The following ADGRE5 variants were observed in gnomAD, a reference collection of about 807,000 sequenced individuals.
ADGRE5 encodes the protein adhesion G protein-coupled receptor E5.
ADGRE5 carries 72 observed loss-of-function variants against 100.3 expected under a neutral mutation model. The observed-to-expected ratio is 0.72, with a 90% CI of 0.59 to 0.87. The LOEUF is 0.87. ADGRE5 is among the 40% of genes least tolerant of loss of function. The pLI, the probability that ADGRE5 is intolerant of heterozygous loss-of-function variation, is 0.00. For synonymous variants in ADGRE5, 439 were observed against 447.8 expected (o/e 0.98, Z 0.25); for missense variants, 959 against 1,094.7 (o/e 0.88, Z 1.75).
intron 13 of ADGRE5, chr19:14,405,125 G>A (rs1275526138): frequency 6.5e-6 from 1 of 153,610 alleles, no homozygotes; most frequent in African/African-American, 2.4e-5. Context: ...GCTTACAGGT[G>A]TCAGCCACCG....
chr19:14,385,596 C>T (rs1307286262), intron 1 of ADGRE5, among the ~76,000 whole-genome samples: 1 of 152,038 alleles, frequency 6.6e-6, no homozygotes, highest in African/African-American at 2.4e-5. Context: ...CCCCAACAGG[C>T]GGCTACAGCG....
chr19:14,390,799 C>T, intron 3 of ADGRE5, 125 bp from the exon 4 acceptor site: 4 of 1,178,986 alleles, frequency 3.4e-6, no homozygotes, highest in East Asian at 2.6e-5. Context: ...CTGTGCAGTG[C>T]AACTTAAGAT....
chr19:14,397,569 T>A (rs1975828737), intron 6 of ADGRE5, 89 bp from the exon 7 acceptor site: 1 of 1,608,644 alleles, frequency 6.2e-7, no homozygotes, highest in African/African-American at 1.3e-5. Context: ...GGGGCACTAA[T>A]GCCGGGAGGA....
rs150091194 is a variant in ADGRE5, at chr19:14,402,774, A to C, written c.1361A>C (p.Asn454Thr). The C allele has an allele frequency of 1.4e-4, 228 of 1,613,924 alleles. 2 individuals carry two copies. Among genetic ancestry groups the C allele is most frequent in the Middle Eastern group, 3.3e-4 (2 of 6,084 alleles). The change falls in exon 12 of 20, where the codon AAC (asparagine) becomes ACC (threonine). Residue 454 changes from asparagine to threonine, a missense_variant. Physicochemically the swap from Asn to Thr is moderately conservative, Grantham distance 65 (BLOSUM62 0). Transcript: ENST00000242786. The part of the protein sequence containing the change: ...AVNSIFLSHN[N>T]TKELNSPILF... Reference sequence around the variant, plus strand: ...AACTCCATCTTTCTGAGCCACAACAACACCAAGGAACTCAACTCCCCCATC... The same window carrying C: ...AACTCCATCTTTCTGAGCCACAACACCACCAAGGAACTCAACTCCCCCATC...
rs1568310134 is a variant in ADGRE5 at position 14,391,078 on chromosome 19, A to G, written c.345A>G (p.Gln115=). The G allele has an allele frequency of 1.2e-6, 2 of 1,614,240 alleles. No individual in the cohort carries two copies. Among genetic ancestry groups the G allele is most frequent in the East Asian group, 2.2e-5 (1 of 44,882 alleles). The part of the protein sequence containing the change: ...TFKNESENTC[Q]DVDECQQNPR... The stretch of plus-strand genomic sequence containing the variant: ...AGAATGAGAGCGAGAACACCTGTCA[A>G]GGTAAGAACCACCCCACGTCCTCTG... Residue 115 remains glutamine, a splice_region_variant and synonymous_variant, in exon 4 of 20, where the codon CAA becomes CAG. Transcript: ENST00000242786.
At position 14,384,215 on chromosome 19, in the gene ADGRE5, T is replaced by C. The variant is rs1479337678; in HGVS notation, c.22+2670T>C. ...GGCTTGGGCTGGGGGGTTTCGGCCT[T>C]GGTTTAACCCAGCTGGAAGGAGTGT... On this transcript the variant is annotated intron_variant, in intron 1 of 19. Coordinates refer to ENST00000242786, the MANE Select transcript of ADGRE5 (RefSeq NM_078481.4). Among the ~76,000 whole-genome samples the C allele has an allele frequency of 1.4e-4, 21 of 151,208 alleles. 1 individual carries two copies.
chr19:14,397,788 G>T lies in ADGRE5; in HGVS notation c.756G>T (p.Lys252Asn). ...KPRHGIPNNQ[K>N]DTVCEDMTFS... The stretch of plus-strand genomic sequence containing the variant: ...GACACGGAATCCCGAATAACCAAAA[G>T]GACACTGTCTGTGAAGGTATGACCT... Residue 252 changes from lysine (K) to asparagine (N), a missense_variant, in exon 7 of 20, where the codon AAG becomes AAT. By Grantham distance (94) the Lys-to-Asn change is moderately conservative (BLOSUM62 0). Transcript: ENST00000242786. The T allele has an allele frequency of 7.9e-7, 1 of 1,270,026 alleles. No individual in the cohort carries two copies. The highest frequency in any genetic ancestry group is 1.1e-6 in the Non-Finnish European group (1 of 929,124). The allele number at this position is 1,270,026 out of a possible 1,614,324, so 78.7% of individuals were successfully genotyped here. A position where few individuals can be genotyped will look rare whatever the true frequency, so the allele number is the denominator to read the frequency against.
At chr19:14,390,107 A>G (rs1223687018) in intron 3 of ADGRE5, among the ~76,000 whole-genome samples, 1 of 117,922 alleles carries the variant, frequency 8.5e-6, no homozygotes, top group African/African-American at 3.3e-5. Flanking sequence ...AACAAGAGAG[A>G]GAGGGAGGGA....
intron 9 of ADGRE5, chr19:14,398,406 A>G (rs905768813): frequency 9.1e-6 from 4 of 440,384 alleles, no homozygotes; most frequent in African/African-American, 6.0e-5. Flanking sequence ...ACGGTGGCTC[A>G]CGCCTGTAAT....
chr19:14,401,678 G>A lies in ADGRE5; in HGVS notation c.1101G>A (p.Arg367=). The A allele has an allele frequency of 6.3e-7, 1 of 1,593,864 alleles. No individual in the cohort carries two copies. Among genetic ancestry groups the A allele is most frequent in the African/African-American group, 1.3e-5 (1 of 74,232 alleles). The change falls in exon 11 of 20, where the codon CGG becomes CGA. Residue 367 remains arginine (R), a synonymous_variant. Transcript: ENST00000242786. This position sits in a 1 kb window ranked among gnomAD's most constrained non-coding sequence, Gnocchi z 4.1. ...AGCTGACCCTGATGATCCAGGAGCGGGGGGACAAGAACGTCACTATGGGTC... is the reference window on the plus strand; with the variant it reads ...AGCTGACCCTGATGATCCAGGAGCGAGGGGACAAGAACGTCACTATGGGTC... ...NTELTLMIQE[R]GDKNVTMGQS...
In ADGRE5 at chr19:14,390,820, A is replaced by G. The variant is rs951029983; in HGVS notation, c.191-104A>G. On this transcript the variant is annotated intron_variant, in intron 3 of 19. Transcript: ENST00000242786. Reference sequence around the variant, plus strand: ...AGTGCAACTTAAGATTTTTTCCAAAAGATACTAAGCAGCAGGCCCCATGTT... The same window carrying G: ...AGTGCAACTTAAGATTTTTTCCAAAGGATACTAAGCAGCAGGCCCCATGTT... The G allele has an allele frequency of 2.1e-5, 30 of 1,423,652 alleles. No individual in the cohort carries two copies. The South Asian group carries it at 3.1e-4, about 15-fold the overall frequency. The allele number at this position is 1,423,652 out of a possible 1,614,324, so 88.2% of individuals were successfully genotyped here.
chr19:14,388,604 G>C lies in ADGRE5; in HGVS notation c.74-98G>C, dbSNP rs754900684. ...CAGCCCAGGGAAAGAGAGGGCTCGCGCACGAGAAACTCAGCGCCCTGCCCC... is the reference window on the plus strand; with the variant it reads ...CAGCCCAGGGAAAGAGAGGGCTCGCCCACGAGAAACTCAGCGCCCTGCCCC... On this transcript the variant is annotated intron_variant, in intron 2 of 19. Transcript: ENST00000242786. The C allele has an allele frequency of 3.1e-6, 5 of 1,603,996 alleles. No individual in the cohort carries two copies. In the African/African-American group the frequency reaches 6.7e-5, roughly 22 times the overall value.
At chr19:14,403,191 C>T (rs184929406) in intron 12 of ADGRE5, among the ~76,000 whole-genome samples, 16 of 151,986 alleles carry the variant, frequency 1.1e-4, no homozygotes, top group East Asian at 3.9e-4. Flanking sequence ...TACAGGCATG[C>T]GCCACCACAC....
intron 4 of ADGRE5, among the ~76,000 whole-genome samples, chr19:14,394,234 A>G (rs985959624): frequency 6.6e-6 from 1 of 152,186 alleles, no homozygotes; most frequent in African/African-American, 2.4e-5. Context: ...GATGGAGCCA[A>G]CAGCCTGCTG....
intron 1 of ADGRE5, among the ~76,000 whole-genome samples, chr19:14,383,403 C>T (rs1446298390): frequency 1.4e-5 from 2 of 145,370 alleles, no homozygotes; most frequent in South Asian, 2.2e-4. Flanking sequence ...TACTCGGGAG[C>T]CTGAGGTAGG....
In ADGRE5 at chr19:14,406,357, C is replaced by T. The variant is rs1412612958; in HGVS notation, c.1848C>T (p.Ala616=). The change falls in exon 15 of 20, where the codon GCC becomes GCT. Residue 616 remains alanine, a synonymous_variant. Coordinates refer to ENST00000242786, the MANE Select transcript of ADGRE5 (RefSeq NM_078481.4). The surrounding 1 kb of genome is among the most constrained non-coding windows in gnomAD (Gnocchi z 6.0). ...GQVGLRCRLV[A]GLLHYCFLAA... ...TGGGGCTGCGCTGCCGCCTGGTGGC[C>T]GGGCTGCTGCACTACTGTTTCCTGG... 6.3e-6 allele frequency: 10 copies of T among 1,577,878 alleles called. No homozygotes were observed. The highest frequency in any genetic ancestry group is 2.7e-5 in the African/African-American group (2 of 74,218).
Position 14,388,698 on chromosome 19 carries a change from G to T in ADGRE5, c.74-4G>T. The T allele has an allele frequency of 6.2e-7, 1 of 1,613,522 alleles. No individual in the cohort carries two copies. Among genetic ancestry groups the T allele is most frequent in the East Asian group, 2.2e-5 (1 of 44,862 alleles). On this transcript the variant is annotated splice_region_variant and splice_polypyrimidine_tract_variant and intron_variant, in intron 2 of 19. Transcript: ENST00000242786. ...CCTTCTGACCGTGCTCCCTGCTCTT[G>T]CAGGCTGTGCCCGGTGGTGCCCTCA...
chr19:14,398,488 T>C (rs1975872684), intron 9 of ADGRE5, among the ~76,000 whole-genome samples: 1 of 144,562 alleles, frequency 6.9e-6, no homozygotes, highest in Non-Finnish European at 1.5e-5. Context: ...GCTAACATGG[T>C]GAAACCCCCG....
chr19:14,384,878 T>C lies in ADGRE5; in HGVS notation c.22+3333T>C, dbSNP rs1975281056. ...TTCTCTAGCTGTCTTCTTTCTCCTC[T>C]CTGTCTCCCTCTCTCTCTCCAGCTT... On this transcript the variant is annotated intron_variant, in intron 1 of 19. Transcript: ENST00000242786. 2.0e-5 allele frequency among the ~76,000 whole-genome samples: 3 copies of C among 151,658 alleles called. No homozygotes were observed. In the South Asian group the frequency reaches 6.2e-4, roughly 32 times the overall value.
Sources: gnomAD v4.1 joint callset for allele counts (sites outside exome capture counted in the v4.1 genomes callset) on GRCh38, gnomAD v4.1.1 for gene constraint, Gnocchi (gnomAD v3.1) non-coding constraint, MANE v1.5 for transcripts, NCBI Gene and HGNC (gene_info 2026-07-23, HGNC 2026-07-21) for gene names.